The following MALRD1 variants were observed in gnomAD, a reference collection of about 807,000 sequenced individuals.
MALRD1 encodes MAM and LDL-receptor class A domain-containing protein 1.
A neutral mutation model predicts 242.1 loss-of-function variants in MALRD1; 247 were observed. The ratio of observed to expected loss-of-function variants is 1.02; its 90% CI spans 0.92 to 1.13. MALRD1 has a LOEUF of 1.13. Among genes scored for constraint, MALRD1 ranks in the 50% most tolerant of loss-of-function variants. The pLI is 0.00. For missense variants in MALRD1, 2,989 were observed against 2,533.1 expected, an observed-to-expected ratio of 1.18 and a Z score of -3.86; for synonymous variants, 995 against 866.6, an observed-to-expected ratio of 1.15 and a Z score of -2.60.
In MALRD1 at chr10:19,203,848, C is replaced by T; in HGVS notation, c.2072C>T (p.Pro691Leu). 6.4e-7 allele frequency: 1 copy of T among 1,550,496 alleles called. No homozygotes were observed. Among genetic ancestry groups the T allele is most frequent in the Non-Finnish European group, 8.7e-7 (1 of 1,146,924 alleles). ...ELSADFEHQAPPRDHSLNASQ... is the reference protein window; with the variant it reads ...ELSADFEHQALPRDHSLNASQ... ...TCTGCTGATTTTGAGCACCAGGCTCCACCTCGGGATCATAGTCTCAACGCA... is the reference window on the plus strand; with the variant it reads ...TCTGCTGATTTTGAGCACCAGGCTCTACCTCGGGATCATAGTCTCAACGCA... The change falls in exon 15 of 40, where the codon CCA (proline) becomes CTA (leucine). Residue 691 changes from proline to leucine, a missense_variant. Physicochemically the swap from Pro to Leu is moderately conservative, Grantham distance 98. Coordinates refer to ENST00000454679, the MANE Select transcript of MALRD1 (RefSeq NM_001142308.3).
At chr10:19,652,938 C>T (rs901589528) in intron 36 of MALRD1, among the ~76,000 whole-genome samples, 1 of 152,190 alleles carries the variant, frequency 6.6e-6, no homozygotes, top group East Asian at 1.9e-4. Context: ...AAGTGCCAGA[C>T]ATTCATTTAG....
At chr10:19,314,722 G>A (rs1842566915) in intron 21 of MALRD1, among the ~76,000 whole-genome samples, 1 of 151,416 alleles carries the variant, frequency 6.6e-6, no homozygotes, top group African/African-American at 2.4e-5. Context: ...AGTATCTATG[G>A]CTGCTTTCTT....
chr10:19,259,707 C>G (rs1183839775), intron 19 of MALRD1, among the ~76,000 whole-genome samples: 1 of 152,118 alleles, frequency 6.6e-6, no homozygotes, highest in Non-Finnish European at 1.5e-5. Context: ...TAGGGCTTTT[C>G]CATCTGCTTT....
intron 33 of MALRD1, among the ~76,000 whole-genome samples, chr10:19,570,438 A>G (rs549687053): frequency 4.6e-5 from 7 of 152,082 alleles, no homozygotes; most frequent in South Asian, 4.1e-4. Context: ...ACTCAAATCT[A>G]CTATAGAGGG....
chr10:19,207,443 A>G (rs1259900568), intron 17 of MALRD1, among the ~76,000 whole-genome samples: 3 of 152,142 alleles, frequency 2.0e-5, no homozygotes, highest in Admixed American at 2.0e-4. Context: ...AATAGTACCT[A>G]GTCCTATATA....
chr10:19,058,298 A>G (rs560998841), intron 1 of MALRD1, among the ~76,000 whole-genome samples: 16 of 152,324 alleles, frequency 1.1e-4, no homozygotes, highest in African/African-American at 3.8e-4. Context: ...CAACAAATGA[A>G]TATGAGGCAA....
At chr10:19,535,577 G>A (rs7098231) in intron 32 of MALRD1, among the ~76,000 whole-genome samples, 14,364 of 147,814 alleles carry the variant, frequency 0.097, 2,083 homozygotes, top group African/African-American at 0.32. Flanking sequence ...ATGTATATAC[G>A]TATATATATA....
chr10:19,580,572 C>CCTGAAT (rs1362832250), intron 33 of MALRD1, among the ~76,000 whole-genome samples: 2 of 152,128 alleles, frequency 1.3e-5, no homozygotes, highest in African/African-American at 4.8e-5. Flanking sequence ...GATGTGTGTA[C>CCTGAAT]ATGCATGCAC....
At chr10:19,131,684 C>T (rs894266380) in intron 8 of MALRD1, among the ~76,000 whole-genome samples, 9 of 152,028 alleles carry the variant, frequency 5.9e-5, no homozygotes, top group African/African-American at 2.2e-4. Context: ...GATTTCTTCA[C>T]TGGAAGAGAA....
intron 28 of MALRD1, among the ~76,000 whole-genome samples, chr10:19,405,513 A>G (rs1401428643): frequency 6.6e-6 from 1 of 152,144 alleles, no homozygotes; most frequent in African/African-American, 2.4e-5. Context: ...TGTTTTCAAC[A>G]AAGATTCAAT....
At chr10:19,539,857 C>CGTGT (rs368123598) in intron 32 of MALRD1, among the ~76,000 whole-genome samples, 16 of 127,018 alleles carry the variant, frequency 1.3e-4, no homozygotes, top group African/African-American at 1.7e-4. Flanking sequence ...CAGCTTTGTG[C>CGTGT]GTGTGTGTGT....
intron 28 of MALRD1, among the ~76,000 whole-genome samples, chr10:19,443,262 A>G (rs568719504): frequency 1.3e-5 from 2 of 152,162 alleles, no homozygotes; most frequent in Non-Finnish European, 2.9e-5. Flanking sequence ...GATCTTTTCA[A>G]AAAATCAGCT....
At chr10:19,485,659 ATAG>A (rs1837205934) in intron 29 of MALRD1, among the ~76,000 whole-genome samples, 1 of 151,082 alleles carries the variant, frequency 6.6e-6, no homozygotes, top group Non-Finnish European at 1.5e-5. Context: ...AAAAAAAAAA[ATAG>A]TAATAATAAT....
chr10:19,450,464 A>T lies in MALRD1; in HGVS notation c.5003A>T (p.Asp1668Val). ...CTGGGAGGAGGAGCTGCAATTGATG[A>T]TATTGAATTTAAAAACTGCACAACT... ...RDLGGGAAIDDIEFKNCTTVG... is the reference protein window; with the variant it reads ...RDLGGGAAIDVIEFKNCTTVG... The change falls in exon 29 of 40, where the codon GAT becomes GTT. Residue 1668 changes from aspartate to valine, a missense_variant. Transcript: ENST00000454679. 1 of 1,549,474 alleles carries T rather than the reference A, an allele frequency of 6.5e-7. No individual in the cohort carries two copies.
intron 33 of MALRD1, among the ~76,000 whole-genome samples, chr10:19,575,317 G>T (rs1483270351): frequency 7.9e-5 from 12 of 152,202 alleles, no homozygotes; most frequent in Non-Finnish European, 7.4e-5. Context: ...TCCCAGCATG[G>T]TTGATTTCAA....
chr10:19,524,005 G>C (rs1833988196), intron 31 of MALRD1, among the ~76,000 whole-genome samples: 1 of 152,150 alleles, frequency 6.6e-6, no homozygotes, highest in African/African-American at 2.4e-5. Context: ...AAAAGAAATA[G>C]TCATTGTATC....
chr10:19,649,727 A>T (rs1840787344), intron 36 of MALRD1, among the ~76,000 whole-genome samples: 2 of 152,038 alleles, frequency 1.3e-5, no homozygotes, highest in Admixed American at 1.3e-4. Flanking sequence ...GAAGCTCTTT[A>T]GTTTAGATAC....
At chr10:19,420,628 A>G (rs566343077) in intron 28 of MALRD1, among the ~76,000 whole-genome samples, 4 of 152,222 alleles carry the variant, frequency 2.6e-5, no homozygotes, top group African/African-American at 4.8e-5. Context: ...GGAACATGTT[A>G]TTTTTAAATC....
At chr10:19,370,558 C>T (rs1180467072) in intron 26 of MALRD1, among the ~76,000 whole-genome samples, 6 of 152,004 alleles carry the variant, frequency 3.9e-5, no homozygotes. Context: ...TACAGCTTTG[C>T]TAAATTCACA....
Sources: allele counts gnomAD v4.1 joint callset (sites outside exome capture counted in the v4.1 genomes callset), GRCh38; gene constraint gnomAD v4.1.1; transcripts MANE v1.5; gene names NCBI Gene and HGNC (gene_info 2026-07-23, HGNC 2026-07-21).